Variants in SPG11 observed in about 807,000 individuals in gnomAD.
The protein encoded by SPG11 is spatacsin.
SPG11 carries 222 observed loss-of-function variants against 274.0 expected under a neutral mutation model. The observed-to-expected ratio is 0.81, with a 90% CI of 0.73 to 0.91. The LOEUF is 0.91. Ranked by LOEUF, SPG11 falls within the 40% of genes least tolerant of loss-of-function variation. The pLI is 0.00. For synonymous variants in SPG11, 1,144 were observed against 1,039.7 expected (o/e 1.10, Z -1.93); for missense variants, 3,114 against 2,872.7 (o/e 1.08, Z -1.92).
rs772838533 is a variant in SPG11 at position 44,573,768 on chromosome 15, C to T, written c.6007-23G>A. The T allele has an allele frequency of 3.1e-6, 5 of 1,613,538 alleles. No homozygotes were observed. In the South Asian group the frequency reaches 4.4e-5, roughly 14 times the overall value. On this transcript the variant is annotated intron_variant, in intron 31 of 39. Coordinates refer to ENST00000261866, the MANE Select transcript of SPG11 (RefSeq NM_025137.4). ...CTCCTGAGAGGAAGACAAAGCCAGT[C>T]AAGGCCACTTTTAGAAGCCAGGAAA...
Position 44,663,364 on chromosome 15 carries a change from A to G in SPG11, c.257+27T>C, listed in dbSNP as rs764485492. On this transcript the variant is annotated intron_variant, in intron 1 of 39. Transcript: ENST00000261866. ...CGAGCCTAGGCTCTGGACTCCCCCA[A>G]CGGCCCAACTCTCCCTCAGCACTTA... 4.4e-6 allele frequency: 7 copies of G among 1,600,102 alleles called. No homozygotes were observed. The Admixed American group carries it at 5.1e-5, about 12-fold the overall frequency.
intron 39 of SPG11, 31 bp from the exon 40 acceptor site, chr15:44,563,332 G>A (rs762968926): frequency 6.3e-7 from 1 of 1,595,084 alleles, no homozygotes; most frequent in African/African-American, 1.3e-5. Context: ...TACAGGTTAA[G>A]ATACTGTTTT....
At chr15:44,605,187 C>T (rs1302656502) in intron 20 of SPG11, among the ~76,000 whole-genome samples, 1 of 152,104 alleles carries the variant, frequency 6.6e-6, no homozygotes, top group African/African-American at 2.4e-5. Context: ...TCTCTAGTAA[C>T]TTCACTGAGA....
At chr15:44,601,688 G>A (rs1292102710) in intron 20 of SPG11, among the ~76,000 whole-genome samples, 1 of 151,450 alleles carries the variant, frequency 6.6e-6, no homozygotes, top group Non-Finnish European at 1.5e-5. Flanking sequence ...CTCCTAAGTA[G>A]CTAGGACTTA....
intron 2 of SPG11, 99 bp from the exon 3 acceptor site, chr15:44,659,402 A>C: frequency 9.4e-7 from 1 of 1,065,798 alleles, no homozygotes; most frequent in Non-Finnish European, 1.4e-6. Context: ...AAAACAAAAA[A>C]GGAACTGGAC....
At chr15:44,657,722 T>A (rs1330621748) in intron 3 of SPG11, among the ~76,000 whole-genome samples, 2 of 152,226 alleles carry the variant, frequency 1.3e-5, no homozygotes, top group East Asian at 1.9e-4. Flanking sequence ...ACATCTTAAT[T>A]TGCATACTAA....
At chr15:44,658,757 C>T (rs2085014388) in intron 3 of SPG11, among the ~76,000 whole-genome samples, 1 of 152,024 alleles carries the variant, frequency 6.6e-6, no homozygotes, top group African/African-American at 2.4e-5. Context: ...CCGCACCTGG[C>T]CACATAAGCA....
intron 30 of SPG11, among the ~76,000 whole-genome samples, chr15:44,576,948 T>C (rs1489116424): frequency 6.6e-6 from 1 of 151,800 alleles, no homozygotes; most frequent in Non-Finnish European, 1.5e-5. Context: ...TGCCTCAGAC[T>C]CCAGTGTAGC....
chr15:44,633,432 C>T (rs763156528), intron 8 of SPG11, 73 bp downstream of exon 8: 2 of 1,124,106 alleles, frequency 1.8e-6, no homozygotes, highest in East Asian at 4.0e-5. Context: ...TCAGAAAACA[C>T]AACATCATAC....
At chr15:44,660,766 T>A in intron 1 of SPG11, 150 bp from the exon 2 acceptor site, 1 of 750,920 alleles carries the variant, frequency 1.3e-6, no homozygotes. Flanking sequence ...CATAAACTGC[T>A]CTAGGACCTC....
At position 44,598,402 on chromosome 15, in the gene SPG11, G is replaced by T. The variant is rs1662291942; in HGVS notation, c.3893-29C>A. On this transcript the variant is annotated intron_variant, in intron 22 of 39. Transcript: ENST00000261866. ...TAAGAAATATAAACAACAAAATATGGTGAAGAGAAAAAGTCAAAACCTGAG... is the reference window on the plus strand; with the variant it reads ...TAAGAAATATAAACAACAAAATATGTTGAAGAGAAAAAGTCAAAACCTGAG... 3 of 1,590,480 alleles carry T rather than the reference G, an allele frequency of 1.9e-6. No individual in the cohort carries two copies. In the Admixed American group the frequency reaches 5.0e-5, roughly 27 times the overall value.
At position 44,598,758 on chromosome 15, in the gene SPG11, A is replaced by G. The variant is rs1356274578; in HGVS notation, c.3765T>C (p.Val1255=). The part of the protein sequence containing the change: ...FHIPSIGAAC[V]CFLELLGLDS... ...CAAGGCCAAGCAATTCTAAGAAACA[A>G]ACACATGCAGCTCCTATTGAAGGTA... is the stretch of plus-strand genomic sequence containing the variant. Residue 1255 remains valine, a synonymous_variant, in exon 22 of 40, where the codon GTT becomes GTC. Coordinates refer to ENST00000261866, the MANE Select transcript of SPG11 (RefSeq NM_025137.4). 1 of 1,614,080 alleles carries G rather than the reference A, an allele frequency of 6.2e-7. No homozygotes were observed. Among genetic ancestry groups the G allele is most frequent in the Non-Finnish European group, 8.5e-7 (1 of 1,180,030 alleles).
At chr15:44,611,809 C>CTTTTT (rs71111871) in intron 17 of SPG11, among the ~76,000 whole-genome samples, 9 of 119,488 alleles carry the variant, frequency 7.5e-5, no homozygotes, top group Admixed American at 3.1e-4. Flanking sequence ...TGGTCACTGT[C>CTTTTT]TTTTTTTTTT....
In SPG11 at chr15:44,585,698, C is replaced by G. The variant is rs779161014; in HGVS notation, c.5059G>C (p.Ala1687Pro). 1.2e-6 allele frequency: 2 copies of G among 1,613,550 alleles called. No individual in the cohort carries two copies. Among genetic ancestry groups the G allele is most frequent in the South Asian group, 1.1e-5 (1 of 91,064 alleles). The change falls in exon 29 of 40, where the codon GCT (alanine) becomes CCT (proline). Residue 1687 changes from alanine (A) to proline (P), a missense_variant. Transcript: ENST00000261866. ...LERLQTDGQF[A>P]LARRVAELAE... is the part of the protein sequence containing the mutation. ...AATTCTGCTACCCTCCTGGCCAAAG[C>G]GAATTGTCCATCTGTCTGCAGTCTT...
At chr15:44,603,545 G>C (rs1240823474) in intron 20 of SPG11, among the ~76,000 whole-genome samples, 2 of 152,202 alleles carry the variant, frequency 1.3e-5, no homozygotes, top group African/African-American at 2.4e-5. Context: ...CAGCAGAATA[G>C]CTCAGTTTAA....
At chr15:44,583,224 A>G (rs988324253) in intron 30 of SPG11, among the ~76,000 whole-genome samples, 1 of 152,214 alleles carries the variant, frequency 6.6e-6, no homozygotes, top group Non-Finnish European at 1.5e-5. Flanking sequence ...CACGCCCTAT[A>G]ATCTCGGCAC....
intron 36 of SPG11, chr15:44,567,194 AC>A: frequency 4.5e-6 from 2 of 449,272 alleles, no homozygotes; most frequent in Non-Finnish European, 4.1e-6. Flanking sequence ...TATTAAAAAT[AC>A]AAAAAATTAG....
At chr15:44,592,545 A>C (rs1275976749) in intron 26 of SPG11, 107 bp from the exon 27 acceptor site, 1 of 747,336 alleles carries the variant, frequency 1.3e-6, no homozygotes, top group Non-Finnish European at 2.3e-6. Flanking sequence ...AAGGCAGGGC[A>C]CAGTGGCTCA....
chr15:44,601,497 G>A (rs972659460), intron 20 of SPG11, among the ~76,000 whole-genome samples: 2 of 151,036 alleles, frequency 1.3e-5, no homozygotes, highest in South Asian at 4.2e-4. Context: ...CTGAGCTCAA[G>A]CAATCCACCT....
Sources: allele counts gnomAD v4.1 joint callset (sites outside exome capture counted in the v4.1 genomes callset), GRCh38; gene constraint gnomAD v4.1.1; transcripts MANE v1.5; gene names NCBI Gene and HGNC (gene_info 2026-07-23, HGNC 2026-07-21).